The following TTC7A variants were observed in gnomAD, a reference collection of about 807,000 sequenced individuals.
TTC7A encodes tetratricopeptide repeat domain 7A, also known as tetratricopeptide repeat protein 7A.
In TTC7A, 110 loss-of-function variants were observed where a neutral mutation model predicts 103.7. That is an observed-to-expected ratio of 1.06 (90% CI 0.91 to 1.24). TTC7A has a LOEUF of 1.24. Ranked by LOEUF, TTC7A falls within the 50% of genes most tolerant of loss-of-function variation. The pLI, the probability that TTC7A is intolerant of heterozygous loss-of-function variation, is 0.00. For synonymous variants in TTC7A, 521 were observed against 467.9 expected, an observed-to-expected ratio of 1.11 and a Z score of -1.47; for missense variants, 1,340 against 1,116.3, an observed-to-expected ratio of 1.20 and a Z score of -2.86.
At chr2:46,988,601 A>G (rs961422074) in intron 5 of TTC7A, among the ~76,000 whole-genome samples, 4 of 152,182 alleles carry the variant, frequency 2.6e-5, no homozygotes, top group African/African-American at 9.7e-5. Flanking sequence ...GTCTTCCCCA[A>G]ATATTTTTTT....
intron 15 of TTC7A, among the ~76,000 whole-genome samples, chr2:47,041,295 G>A (rs1262844164): frequency 6.6e-6 from 1 of 152,232 alleles, no homozygotes; most frequent in Non-Finnish European, 1.5e-5. Context: ...GATACTGTGT[G>A]CTCAGCACTG....
chr2:47,024,226 G>A lies in TTC7A; in HGVS notation c.1569-61G>A, dbSNP rs189248016. 253 of 1,463,432 alleles carry A rather than the reference G, an allele frequency of 1.7e-4. No individual in the cohort carries two copies. In the East Asian group the frequency reaches 4.4e-3, roughly 25 times the overall value. 90.7% of individuals were successfully genotyped at this position (1,463,432 alleles called of 1,614,324 possible). Reference sequence around the variant, plus strand: ...CACAGGGCTGGCATGCTGGAGGCCCGAGTCACACGTTGGTCACTCAACCCC... The same window carrying A: ...CACAGGGCTGGCATGCTGGAGGCCCAAGTCACACGTTGGTCACTCAACCCC... On this transcript the variant is annotated intron_variant, in intron 13 of 19. Coordinates refer to ENST00000319190, the MANE Select transcript of TTC7A (RefSeq NM_020458.4).
chr2:46,945,328 T>C (rs1028429282), intron 1 of TTC7A, among the ~76,000 whole-genome samples: 6 of 151,924 alleles, frequency 3.9e-5, no homozygotes, highest in African/African-American at 7.3e-5. Context: ...TCTCGGCTCA[T>C]TGCAACCTCT....
intron 8 of TTC7A, among the ~76,000 whole-genome samples, chr2:47,002,611 A>G (rs1676938908): frequency 1.3e-5 from 2 of 152,018 alleles, no homozygotes; most frequent in African/African-American, 4.8e-5. Context: ...GGGTGCTGGG[A>G]AGGAACTGAT....
chr2:46,990,106 C>T (rs749749997), intron 5 of TTC7A, among the ~76,000 whole-genome samples: 14 of 152,362 alleles, frequency 9.2e-5, no homozygotes, highest in African/African-American at 3.1e-4. Context: ...CAGCCCTCTT[C>T]AGCCTGCTGC....
chr2:47,016,851 T>G (rs12466088), intron 11 of TTC7A, among the ~76,000 whole-genome samples: 85,793 of 151,386 alleles, frequency 0.57, 24,533 homozygotes, highest in East Asian at 0.77. Context: ...TTAGAGCAAT[T>G]TTTCCAGATC....
chr2:47,072,620 G>A (rs1199305123), intron 19 of TTC7A, among the ~76,000 whole-genome samples: 1 of 152,180 alleles, frequency 6.6e-6, no homozygotes, highest in Non-Finnish European at 1.5e-5. Flanking sequence ...GGGGCTCCAG[G>A]CACATAGAAG....
chr2:47,038,629 T>TCCCCCCCCCCCCCCCCCC (rs1558612925), intron 15 of TTC7A, among the ~76,000 whole-genome samples: 1 of 86,940 alleles, frequency 1.2e-5, no homozygotes, highest in African/African-American at 4.5e-5. Flanking sequence ...TGCTGCCACT[T>TCCCCCCCCCCCCCCCCCC]CCCACCCACC....
chr2:46,923,561 T>G (rs1231082364), intron 2 of TTC7A, among the ~76,000 whole-genome samples: 1 of 152,186 alleles, frequency 6.6e-6, no homozygotes, highest in Non-Finnish European at 1.5e-5. Flanking sequence ...TTACTCTTTT[T>G]AACACAAAAT....
At chr2:46,917,535 C>G (rs1281670409) in intron 2 of TTC7A, among the ~76,000 whole-genome samples, 1 of 152,190 alleles carries the variant, frequency 6.6e-6, no homozygotes, top group African/African-American at 2.4e-5. Context: ...ACAAATAAGA[C>G]AAATGAAGTG....
intron 1 of TTC7A, among the ~76,000 whole-genome samples, chr2:46,945,907 C>G (rs991738992): frequency 6.6e-6 from 1 of 152,154 alleles, no homozygotes; most frequent in African/African-American, 2.4e-5. Context: ...CTGCAGAAAC[C>G]ACTGTGCCCG....
At chr2:47,072,443 G>C (rs903378409) in intron 19 of TTC7A, among the ~76,000 whole-genome samples, 1 of 152,202 alleles carries the variant, frequency 6.6e-6, no homozygotes, top group Non-Finnish European at 1.5e-5. Flanking sequence ...CACTCCCACC[G>C]AACTGGTTGT....
At chr2:47,016,003 T>C (rs1678617111) in intron 11 of TTC7A, among the ~76,000 whole-genome samples, 1 of 152,190 alleles carries the variant, frequency 6.6e-6, no homozygotes, top group Non-Finnish European at 1.5e-5. Flanking sequence ...AAACGAACTT[T>C]CTGTAGTTCC....
chr2:46,986,623 T>G (rs1675039893), intron 5 of TTC7A, among the ~76,000 whole-genome samples: 1 of 152,192 alleles, frequency 6.6e-6, no homozygotes, highest in South Asian at 2.1e-4. Context: ...GGTGCTGCAG[T>G]TCCTCAGAGT....
At chr2:46,928,876 G>A (rs1330700929) in intron 2 of TTC7A, among the ~76,000 whole-genome samples, 3 of 152,066 alleles carry the variant, frequency 2.0e-5, no homozygotes, top group African/African-American at 7.2e-5. Context: ...CATTTATTTT[G>A]AAATTTAAAA....
intron 11 of TTC7A, among the ~76,000 whole-genome samples, chr2:47,014,686 C>T (rs996945987): frequency 5.3e-5 from 8 of 152,254 alleles, no homozygotes; most frequent in Admixed American, 2.6e-4. Context: ...CTCCTGCCTT[C>T]GCAGTTATTC....
At chr2:46,977,172 A>G (rs1318278763) in intron 4 of TTC7A, among the ~76,000 whole-genome samples, 1 of 152,226 alleles carries the variant, frequency 6.6e-6, no homozygotes, top group Non-Finnish European at 1.5e-5. Context: ...CAAAGGTCTG[A>G]TGATGATGTC....
At chr2:46,945,262 A>AT (rs944024309) in intron 1 of TTC7A, among the ~76,000 whole-genome samples, 4 of 149,486 alleles carry the variant, frequency 2.7e-5, no homozygotes, top group South Asian at 2.1e-4. Context: ...CACCCAGTTA[A>AT]TTTTTTTTTT....
intron 15 of TTC7A, among the ~76,000 whole-genome samples, chr2:47,042,360 G>C (rs1573003537): frequency 6.6e-6 from 1 of 152,142 alleles, no homozygotes; most frequent in Non-Finnish European, 1.5e-5. Flanking sequence ...AACTAGCTGG[G>C]TGTGGTGGCC....
Sources: gnomAD v4.1 joint callset for allele counts (sites outside exome capture counted in the v4.1 genomes callset) on GRCh38, gnomAD v4.1.1 for gene constraint, MANE v1.5 for transcripts, NCBI Gene and HGNC (gene_info 2026-07-23, HGNC 2026-07-21) for gene names.